The following SEL1L3 variants were observed in gnomAD, a reference collection of about 807,000 sequenced individuals.
SEL1L3 encodes the protein SEL1L family member 3.
Under a neutral mutation model 142.8 loss-of-function variants are expected in SEL1L3, and 76 were observed. The ratio of observed to expected loss-of-function variants is 0.53; its 90% CI spans 0.44 to 0.64. The LOEUF (loss-of-function observed/expected upper bound fraction) is 0.64, where lower values mean the gene tolerates loss of function less well. Among genes scored for constraint, SEL1L3 ranks in the 30% least tolerant of loss-of-function variants. The pLI is 0.00. For missense variants in SEL1L3, 1,262 were observed against 1,381.7 expected (o/e 0.91, Z 1.37); for synonymous variants, 504 against 519.6 (o/e 0.97, Z 0.41).
intron 9 of SEL1L3, among the ~76,000 whole-genome samples, chr4:25,805,760 G>T (rs1263180907): frequency 6.6e-6 from 1 of 152,150 alleles, no homozygotes; most frequent in Non-Finnish European, 1.5e-5. Context: ...TATGTGCAAG[G>T]CACTATGCTA....
chr4:25,819,714 T>C (rs1714624850), intron 8 of SEL1L3, 94 bp downstream of exon 8: 1 of 1,224,120 alleles, frequency 8.2e-7, no homozygotes, highest in South Asian at 1.6e-5. Flanking sequence ...CCAAGTCATA[T>C]ATGTTTAATT....
chr4:25,753,575 G>C (rs1384841664), intron 23 of SEL1L3, among the ~76,000 whole-genome samples: 1 of 152,232 alleles, frequency 6.6e-6, no homozygotes, highest in Non-Finnish European at 1.5e-5. Flanking sequence ...TAGAAACTTG[G>C]TCTCTGAGCA....
Position 25,767,808 on chromosome 4 carries a change from CAT to C in SEL1L3, c.2690_2691del (p.Tyr897CysfsTer9). On this transcript the variant is annotated frameshift_variant, in exon 18 of 24. Coordinates refer to ENST00000399878, the MANE Select transcript of SEL1L3 (RefSeq NM_015187.5). LOFTEE classifies it high-confidence loss of function. ...EGSWHEALLYYVLAAETGIEV... is the reference protein window; with the variant it reads ...EGSWHEALLYXVLAAETGIEV... The stretch of plus-strand genomic sequence containing the variant: ...TCAATTCCAGTTTCTGCTGCTAAAA[CAT>C]AATACAGCAAAGCTTCATGCCTAAA... The C allele has an allele frequency of 6.4e-7, 1 of 1,568,346 alleles. No homozygotes were observed. The highest frequency in any genetic ancestry group is 8.7e-7 in the Non-Finnish European group (1 of 1,154,226).
intron 23 of SEL1L3, among the ~76,000 whole-genome samples, chr4:25,751,284 C>A (rs1717572082): frequency 6.6e-6 from 1 of 152,146 alleles, no homozygotes; most frequent in African/African-American, 2.4e-5. Flanking sequence ...AGGAAAGGAG[C>A]TTTTTGGAGT....
intron 6 of SEL1L3, among the ~76,000 whole-genome samples, chr4:25,828,645 G>A (rs1715245471): frequency 6.6e-6 from 1 of 152,014 alleles, no homozygotes; most frequent in South Asian, 2.1e-4. Context: ...CTTGGCTCCT[G>A]AAGTGCTGGG....
chr4:25,863,097 C>G (rs973288392), upstream of SEL1L3: 1 of 150,556 alleles, frequency 6.6e-6, no homozygotes, highest in African/African-American at 2.6e-5. Flanking sequence ...AGCCCTCCTC[C>G]CGGCCGCTCC....
chr4:25,749,723 G>T (rs1327138791), intron 23 of SEL1L3, among the ~76,000 whole-genome samples: 1 of 152,206 alleles, frequency 6.6e-6, no homozygotes, highest in Non-Finnish European at 1.5e-5. Flanking sequence ...TTTGCTGCCT[G>T]GGGGACCATT....
chr4:25,750,371 A>G (rs1231813507), intron 23 of SEL1L3, among the ~76,000 whole-genome samples: 6 of 152,212 alleles, frequency 3.9e-5, no homozygotes, highest in Admixed American at 3.9e-4. Flanking sequence ...TCCTTTACAG[A>G]AAAAGTTTGC....
At chr4:25,821,019 C>G (rs974590833) in intron 7 of SEL1L3, among the ~76,000 whole-genome samples, 1 of 152,302 alleles carries the variant, frequency 6.6e-6, no homozygotes, top group East Asian at 1.9e-4. Flanking sequence ...TGAGCCACCA[C>G]GCTTGGCTGA....
intron 23 of SEL1L3, among the ~76,000 whole-genome samples, chr4:25,755,645 G>T (rs1331025990): frequency 6.6e-6 from 1 of 152,130 alleles, no homozygotes; most frequent in Non-Finnish European, 1.5e-5. Flanking sequence ...AAACATCACA[G>T]GACAGGAGAG....
chr4:25,797,379 G>A (rs764928130), intron 11 of SEL1L3, among the ~76,000 whole-genome samples: 8 of 152,154 alleles, frequency 5.3e-5, no homozygotes, highest in Non-Finnish European at 1.0e-4. Flanking sequence ...GAACCGCCAC[G>A]AGGAACTTGC....
intron 11 of SEL1L3, among the ~76,000 whole-genome samples, chr4:25,790,932 T>C: frequency 6.6e-6 from 1 of 152,210 alleles, no homozygotes; most frequent in East Asian, 1.9e-4. Flanking sequence ...AAATATGAGG[T>C]GTGCCTACAA....
At chr4:25,780,907 C>T (rs970711629) in intron 15 of SEL1L3, among the ~76,000 whole-genome samples, 1 of 151,008 alleles carries the variant, frequency 6.6e-6, no homozygotes. Context: ...CTCACTACAA[C>T]CTCTGCCTCC....
At chr4:25,749,390 G>C (rs963956015) in intron 23 of SEL1L3, among the ~76,000 whole-genome samples, 2 of 151,988 alleles carry the variant, frequency 1.3e-5, no homozygotes, top group Non-Finnish European at 2.9e-5. Context: ...AAGTGCCAAT[G>C]TGTAAATGTA....
At chr4:25,814,449 T>A (rs11947837) in intron 9 of SEL1L3, among the ~76,000 whole-genome samples, 15,710 of 152,186 alleles carry the variant, frequency 0.1, 1,870 homozygotes, top group African/African-American at 0.29. Context: ...GCATCAAACA[T>A]CTCATGCTTG....
At chr4:25,796,523 G>T (rs758322238) in intron 11 of SEL1L3, among the ~76,000 whole-genome samples, 2 of 151,966 alleles carry the variant, frequency 1.3e-5, no homozygotes, top group African/African-American at 4.8e-5. Context: ...GTGTGGCCAG[G>T]TGCTCATGCC....
intron 1 of SEL1L3, among the ~76,000 whole-genome samples, chr4:25,861,279 C>CA (rs1344751639): frequency 6.6e-6 from 1 of 151,826 alleles, no homozygotes. Context: ...ATCTCTTGGG[C>CA]AAAAAAATAT....
intron 9 of SEL1L3, among the ~76,000 whole-genome samples, chr4:25,812,886 G>A (rs564371122): frequency 1.3e-5 from 2 of 151,164 alleles, no homozygotes; most frequent in South Asian, 2.1e-4. Context: ...GGTGGCGTGC[G>A]CCTGTAATCC....
chr4:25,758,761 G>A (rs62410856), intron 21 of SEL1L3, among the ~76,000 whole-genome samples, 180 bp downstream of exon 21: 13 of 151,032 alleles, frequency 8.6e-5, no homozygotes, highest in African/African-American at 3.2e-4. Flanking sequence ...TGATCTGCCC[G>A]CCTCAGCCTC....
Sources: allele counts gnomAD v4.1 joint callset (sites outside exome capture counted in the v4.1 genomes callset), GRCh38; gene constraint gnomAD v4.1.1; transcripts MANE v1.5; gene names NCBI Gene and HGNC (gene_info 2026-07-23, HGNC 2026-07-21).